ANK3: variants seen among roughly 807,000 people sequenced by gnomAD.
ANK3 encodes ankyrin-3.
In ANK3, 57 loss-of-function variants were observed where a neutral mutation model predicts 370.9. The ratio of observed to expected loss-of-function variants is 0.15; its 90% CI spans 0.12 to 0.19. The LOEUF is 0.19. ANK3 is among the 10% of genes least tolerant of loss of function. The probability of loss-of-function intolerance (pLI) is 1.00; values close to 1 mark genes in which losing one functional copy is unlikely to be tolerated. For missense variants in ANK3, 4,439 were observed against 5,302.1 expected (o/e 0.84, Z 5.06); for synonymous variants, 1,929 against 1,946.3 (o/e 0.99, Z 0.23).
intron 1 of ANK3, among the ~76,000 whole-genome samples, chr10:60,648,410 C>T (rs1342359104): frequency 2.8e-5 from 4 of 141,734 alleles, no homozygotes; most frequent in African/African-American, 5.2e-5. Flanking sequence ...CTACCCCTCT[C>T]GGCCTCCCAA....
At chr10:60,318,649 G>C (rs1310872715) in intron 1 of ANK3, among the ~76,000 whole-genome samples, 1 of 152,092 alleles carries the variant, frequency 6.6e-6, no homozygotes. Context: ...GAGGCCATTG[G>C]GGAGAGGAGG....
At chr10:60,137,413 ATCAGACAGGGAAAAAAG>A in intron 24 of ANK3, 3 of 328,572 alleles carry the variant, frequency 9.1e-6, no homozygotes, top group South Asian at 5.0e-5. Context: ...AAAGCAAAAA[ATCAGACAGGGAAAAAAG>A]AAAAAAAATG....
chr10:60,453,079 T>G (rs2064653123), intron 2 of ANK3, among the ~76,000 whole-genome samples: 1 of 152,232 alleles, frequency 6.6e-6, no homozygotes, highest in African/African-American at 2.4e-5. Context: ...TAGGGGAAGT[T>G]GCACAGTGGA....
At chr10:60,282,167 G>A (rs761808458) in intron 1 of ANK3, among the ~76,000 whole-genome samples, 1 of 152,148 alleles carries the variant, frequency 6.6e-6, no homozygotes, top group Non-Finnish European at 1.5e-5. Flanking sequence ...ACATCAGTCT[G>A]CCTGGATATT....
chr10:60,264,340 T>C (rs2097848754), intron 5 of ANK3, among the ~76,000 whole-genome samples: 1 of 151,986 alleles, frequency 6.6e-6, no homozygotes, highest in African/African-American at 2.4e-5. Context: ...TGCTATAATA[T>C]CAATATTCAT....
At chr10:60,372,124 T>C (rs191928077) in intron 1 of ANK3, among the ~76,000 whole-genome samples, 34 of 152,336 alleles carry the variant, frequency 2.2e-4, no homozygotes, top group African/African-American at 6.7e-4. Flanking sequence ...GTTAAATTCA[T>C]ATATTTCAAA....
At chr10:60,434,360 A>G (rs895058450) in intron 2 of ANK3, among the ~76,000 whole-genome samples, 2 of 152,238 alleles carry the variant, frequency 1.3e-5, no homozygotes, top group African/African-American at 4.8e-5. Flanking sequence ...ACTATAGGTA[A>G]TTAGAATATG....
chr10:60,622,300 AG>A (rs2078348284), intron 1 of ANK3, among the ~76,000 whole-genome samples: 1 of 151,716 alleles, frequency 6.6e-6, no homozygotes, highest in South Asian at 2.1e-4. Flanking sequence ...GCTGGAGTGC[AG>A]CAGCATGATC....
intron 2 of ANK3, among the ~76,000 whole-genome samples, chr10:60,424,770 T>C (rs886784928): frequency 2.6e-5 from 4 of 152,088 alleles, no homozygotes; most frequent in African/African-American, 9.7e-5. Context: ...ATCCCTCTTA[T>C]AGGTTGATTC....
intron 2 of ANK3, among the ~76,000 whole-genome samples, chr10:60,483,608 T>C (rs2075278332): frequency 6.6e-6 from 1 of 152,184 alleles, no homozygotes. Context: ...TTCTCTTTGA[T>C]TTTATATCAA....
chr10:60,548,283 C>T (rs1489420313), intron 2 of ANK3, among the ~76,000 whole-genome samples: 1 of 136,020 alleles, frequency 7.4e-6, no homozygotes, highest in African/African-American at 2.8e-5. Flanking sequence ...ATGATCTCGG[C>T]TCACTGCAAC....
intron 7 of ANK3, among the ~76,000 whole-genome samples, chr10:60,255,877 GAC>G (rs781455642): frequency 6.6e-6 from 1 of 152,300 alleles, no homozygotes; most frequent in East Asian, 1.9e-4. Context: ...AGAGAAAACA[GAC>G]TTTCCTTCCT....
At chr10:60,066,355 T>C (rs977542763) in intron 38 of ANK3, among the ~76,000 whole-genome samples, 2 of 152,198 alleles carry the variant, frequency 1.3e-5, no homozygotes, top group Non-Finnish European at 2.9e-5. Flanking sequence ...CATATAATAA[T>C]GCAAAACAAA....
chr10:60,391,100 T>C (rs995640250), upstream of ANK3, among the ~76,000 whole-genome samples: 2 of 152,168 alleles, frequency 1.3e-5, no homozygotes, highest in African/African-American at 4.8e-5. Context: ...CGCTTTATAG[T>C]CTCTGCGAAG....
chr10:60,179,987 G>A (rs2096105980), intron 18 of ANK3, among the ~76,000 whole-genome samples: 1 of 151,474 alleles, frequency 6.6e-6, no homozygotes, highest in Admixed American at 6.6e-5. Context: ...CTAAGAAAGT[G>A]TTTAAGTCTG....
intron 23 of ANK3, among the ~76,000 whole-genome samples, chr10:60,147,635 G>A (rs1179042868): frequency 6.6e-6 from 1 of 152,156 alleles, no homozygotes; most frequent in Non-Finnish European, 1.5e-5. Context: ...CCCTGGTGCT[G>A]TTCTCGTGAT....
chr10:60,468,757 G>T (rs1381808480), intron 2 of ANK3, among the ~76,000 whole-genome samples: 1 of 151,494 alleles, frequency 6.6e-6, no homozygotes, highest in African/African-American at 2.4e-5. Flanking sequence ...AAGAACTTCA[G>T]CATAATATAT....
chr10:60,397,901 A>G (rs996625965), intron 2 of ANK3, among the ~76,000 whole-genome samples: 1 of 152,174 alleles, frequency 6.6e-6, no homozygotes, highest in African/African-American at 2.4e-5. Context: ...CTTTCCCAAT[A>G]TCTTTTAAAA....
intron 35 of ANK3, chr10:60,081,683 T>G (rs1364906676): frequency 2.9e-5 from 9 of 310,996 alleles, no homozygotes; most frequent in South Asian, 2.3e-4. Context: ...ACATGCTGGA[T>G]AGTAGGATAT....
Sources: gnomAD v4.1 joint callset for allele counts (sites outside exome capture counted in the v4.1 genomes callset) on GRCh38, gnomAD v4.1.1 for gene constraint, MANE v1.5 for transcripts, NCBI Gene and HGNC (gene_info 2026-07-23, HGNC 2026-07-21) for gene names.